PCNX4: variants seen among roughly 807,000 people sequenced by gnomAD.
The protein encoded by PCNX4 is pecanex 4.
A neutral mutation model predicts 107.2 loss-of-function variants in PCNX4; 103 were observed. That is an observed-to-expected ratio of 0.96 (90% CI 0.82 to 1.13). The LOEUF is 1.13. PCNX4 is among the 50% of genes most tolerant of loss of function. The pLI is 0.00. For synonymous variants in PCNX4, 541 were observed against 481.7 expected (o/e 1.12, Z -1.61); for missense variants, 1,528 against 1,379.4 (o/e 1.11, Z -1.71).
rs1223086297 is a variant in PCNX4, at chr14:60,139,052, C to CA, written c.*4836dup. ...ACAGGGCTAAAGTGGAATAATAAGG[C>CA]AAAAAGGTAGAGAAAATATAGAACA... On this transcript the variant is annotated 3_prime_UTR_variant, in exon 11 of 11. Coordinates refer to ENST00000406854, the MANE Select transcript of PCNX4 (RefSeq NM_001330177.2). The CA allele has an allele frequency of 6.6e-6, 1 of 151,584 alleles. No homozygotes were observed. The highest frequency in any genetic ancestry group is 2.4e-5 in the African/African-American group (1 of 41,294). The allele number at this position is 151,584 out of a possible 1,614,324, so 9.4% of individuals were successfully genotyped here. A position where few individuals can be genotyped will look rare whatever the true frequency, so the allele number is the denominator to read the frequency against.
At chr14:60,103,941 G>A (rs1238991091) in intron 1 of PCNX4, among the ~76,000 whole-genome samples, 2 of 152,156 alleles carry the variant, frequency 1.3e-5, no homozygotes, top group Non-Finnish European at 2.9e-5. Context: ...AATAAGTATA[G>A]ATACTTTCCA....
chr14:60,141,749 A>AT lies in PCNX4; in HGVS notation c.*7529dup, dbSNP rs1259135926. The AT allele has an allele frequency of 6.6e-6, 1 of 152,230 alleles. No individual in the cohort carries two copies. The highest frequency in any genetic ancestry group is 6.5e-5 in the Admixed American group (1 of 15,284). 9.4% of individuals were successfully genotyped at this position (152,230 alleles called of 1,614,324 possible). On this transcript the variant is annotated 3_prime_UTR_variant, in exon 11 of 11. Coordinates refer to ENST00000406854, the MANE Select transcript of PCNX4 (RefSeq NM_001330177.2). ...TGAGTAGTGCTGCATGGTATAGAAT[A>AT]TAACAGTTTGTTTATACCATTCACC...
At chr14:60,111,921 G>C (rs1203361492) in intron 2 of PCNX4, among the ~76,000 whole-genome samples, 4 of 152,152 alleles carry the variant, frequency 2.6e-5, no homozygotes, top group African/African-American at 9.7e-5. Flanking sequence ...GAAAATAATA[G>C]AATTGAGATC....
intron 10 of PCNX4, among the ~76,000 whole-genome samples, chr14:60,127,593 C>G (rs956783371): frequency 6.6e-6 from 1 of 152,118 alleles, no homozygotes; most frequent in Non-Finnish European, 1.5e-5. Flanking sequence ...CTACAATAAG[C>G]CAGCCAATCA....
rs1470464872 is a variant in PCNX4 at position 60,124,295 on chromosome 14, G to A, written c.2124G>A (p.Glu708=). Residue 708 remains glutamate, a synonymous_variant, in exon 9 of 11, where the codon GAG becomes GAA. Coordinates refer to ENST00000406854, the MANE Select transcript of PCNX4 (RefSeq NM_001330177.2). The part of the protein sequence containing the change: ...RVDEVFEDAF[E]QEYTRVCSLN... ...ATGAAGTTTTTGAAGATGCTTTTGA[G>A]CAAGAATACACAAGAGTATGTTCCC... 1 of 1,608,448 alleles carries A rather than the reference G, an allele frequency of 6.2e-7. No homozygotes were observed. Among genetic ancestry groups the A allele is most frequent in the Non-Finnish European group, 8.5e-7 (1 of 1,177,018 alleles).
Position 60,145,109 on chromosome 14 carries a change from A to G in PCNX4, c.*10888A>G, listed in dbSNP as rs1459471393. The stretch of plus-strand genomic sequence containing the variant: ...TTCTGTTTTGAGGAGCTGTATCATT[A>G]TGATTCACTATTAAGAATCTTTACA... On this transcript the variant is annotated 3_prime_UTR_variant, in exon 11 of 11. Transcript: ENST00000406854. This position sits in a 1 kb window ranked among gnomAD's most constrained non-coding sequence, Gnocchi z 4.0. The G allele has an allele frequency of 1.8e-5, 14 of 788,514 alleles. No homozygotes were observed. In the East Asian group the frequency reaches 3.9e-4, roughly 22 times the overall value. The allele number at this position is 788,514 out of a possible 1,614,324, so 48.8% of individuals were successfully genotyped here. A position where few individuals can be genotyped will look rare whatever the true frequency, so the allele number is the denominator to read the frequency against.
At chr14:60,097,674 C>T (rs1566928719) in intron 1 of PCNX4, among the ~76,000 whole-genome samples, 1 of 152,168 alleles carries the variant, frequency 6.6e-6, no homozygotes, top group Non-Finnish European at 1.5e-5. Context: ...TAAGGGAATA[C>T]CAAAACAACC....
In PCNX4 at chr14:60,115,829, A is replaced by AT; in HGVS notation, c.1458+11dup. 6.2e-7 allele frequency: 1 copy of AT among 1,604,536 alleles called. No homozygotes were observed. ...AAGAGCCTTTAGAATGGTAATCCTA[A>AT]TATGTGTTTAATAGTATTTTCCTAT... On this transcript the variant is annotated intron_variant, in intron 5 of 10. Coordinates refer to ENST00000406854, the MANE Select transcript of PCNX4 (RefSeq NM_001330177.2).
At chr14:60,098,459 A>G (rs1024155698) in intron 1 of PCNX4, among the ~76,000 whole-genome samples, 1 of 152,192 alleles carries the variant, frequency 6.6e-6, no homozygotes, top group Non-Finnish European at 1.5e-5. Context: ...CTCTTATTCA[A>G]AAACCCTCCA....
rs185000844 is a variant in PCNX4 at position 60,142,368 on chromosome 14, C to T, written c.*8147C>T. On this transcript the variant is annotated 3_prime_UTR_variant, in exon 11 of 11. Transcript: ENST00000406854. The surrounding 1 kb of genome is among the most constrained non-coding windows in gnomAD (Gnocchi z 4.7). ...CTGGTGAATCCAGTAGTTGAGGAAA[C>T]GAAAGCCGTCACTTCTGCTAACTCT... The T allele has an allele frequency of 1.1e-4, 16 of 152,224 alleles. No homozygotes were observed. The highest frequency in any genetic ancestry group is 6.5e-4 in the Admixed American group (10 of 15,292). The allele number at this position is 152,224 out of a possible 1,614,324, so 9.4% of individuals were successfully genotyped here. A position where few individuals can be genotyped will look rare whatever the true frequency, so the allele number is the denominator to read the frequency against.
chr14:60,141,696 G>C lies in PCNX4; in HGVS notation c.*7475G>C, dbSNP rs768476886. 48 of 152,308 alleles carry C rather than the reference G, an allele frequency of 3.2e-4. No homozygotes were observed. The highest frequency in any genetic ancestry group is 6.0e-4 in the Non-Finnish European group (41 of 68,028). 9.4% of individuals were successfully genotyped at this position (152,308 alleles called of 1,614,324 possible). On this transcript the variant is annotated 3_prime_UTR_variant, in exon 11 of 11. Coordinates refer to ENST00000406854, the MANE Select transcript of PCNX4 (RefSeq NM_001330177.2). Reference sequence around the variant, plus strand: ...TTGAGGTTCTTCCATGTTGTTTTATGTATCAATCATTCATTATTTTTTATC... The same window carrying C: ...TTGAGGTTCTTCCATGTTGTTTTATCTATCAATCATTCATTATTTTTTATC...
At chr14:60,096,263 A>C (rs1048874998) in intron 1 of PCNX4, among the ~76,000 whole-genome samples, 1 of 152,192 alleles carries the variant, frequency 6.6e-6, no homozygotes, top group Non-Finnish European at 1.5e-5. Context: ...CCGTGAGTCT[A>C]TGTAAAGCCA....
In PCNX4 at chr14:60,114,803, G is replaced by A. The variant is rs372294775; in HGVS notation, c.793G>A (p.Asp265Asn). The change falls in exon 3 of 11, where the codon GAT (aspartate) becomes AAT (asparagine). Residue 265 changes from aspartate to asparagine, a missense_variant. Asp to Asn is a conservative substitution (Grantham distance 23, BLOSUM62 1). Coordinates refer to ENST00000406854, the MANE Select transcript of PCNX4 (RefSeq NM_001330177.2). ...GGCACTTGGGACTCTGCCCCCACCCGATGCACTTCTCTTATGGGCAATGGA... is the reference window on the plus strand; with the variant it reads ...GGCACTTGGGACTCTGCCCCCACCCAATGCACTTCTCTTATGGGCAATGGA... ...LWALGTLPPP[D>N]ALLLWAMEQV... The A allele has an allele frequency of 1.9e-5, 30 of 1,613,664 alleles. No homozygotes were observed. The highest frequency in any genetic ancestry group is 1.4e-4 in the South Asian group (13 of 91,086).
rs376546224 is a variant in PCNX4, at chr14:60,124,464, G to T, written c.2293G>T (p.Val765Leu). Residue 765 changes from valine (V) to leucine (L), a missense_variant, in exon 9 of 11, where the codon GTG (valine) becomes TTG (leucine). Val to Leu is a conservative substitution (Grantham distance 32). Transcript: ENST00000406854. ...EFKGDLIKVL[V>L]WILVQYCSKR... ...TAAAGGTGACCTCATTAAAGTACTT[G>T]TGTGGATACTTGTTCAATACTGCTC... The T allele has an allele frequency of 6.6e-5, 106 of 1,613,592 alleles. No individual in the cohort carries two copies. Among genetic ancestry groups the T allele is most frequent in the East Asian group, 5.1e-4 (23 of 44,878 alleles).
chr14:60,093,567 TATATC>T (rs1895354685), intron 1 of PCNX4, among the ~76,000 whole-genome samples: 2 of 152,242 alleles, frequency 1.3e-5, no homozygotes, highest in Non-Finnish European at 2.9e-5. Flanking sequence ...ATTGTGTGGA[TATATC>T]ACATTTATCC....
intron 1 of PCNX4, among the ~76,000 whole-genome samples, chr14:60,102,530 T>A (rs1477144133): frequency 6.6e-6 from 1 of 152,206 alleles, no homozygotes; most frequent in Admixed American, 6.5e-5. Context: ...CTTACTCTTG[T>A]GAGTAATGTG....
At chr14:60,113,623 C>T (rs1057034936) in intron 2 of PCNX4, among the ~76,000 whole-genome samples, 2 of 152,122 alleles carry the variant, frequency 1.3e-5, no homozygotes, top group Non-Finnish European at 2.9e-5. Flanking sequence ...CCCGCCTTGG[C>T]CTCCCAAAGT....
chr14:60,111,687 G>A (rs896206017), intron 2 of PCNX4, among the ~76,000 whole-genome samples: 7 of 152,120 alleles, frequency 4.6e-5, no homozygotes, highest in East Asian at 3.9e-4. Flanking sequence ...TGGTTTTCCC[G>A]ACATTCTGCA....
intron 4 of PCNX4, 96 bp downstream of exon 4, chr14:60,115,557 C>T (rs2140549643): frequency 7.0e-7 from 1 of 1,419,588 alleles, no homozygotes; most frequent in Non-Finnish European, 9.4e-7. Context: ...GGTATTATAC[C>T]ATATACAAGT....
Sources: allele counts gnomAD v4.1 joint callset (sites outside exome capture counted in the v4.1 genomes callset), GRCh38; gene constraint gnomAD v4.1.1; non-coding constraint Gnocchi (gnomAD v3.1); transcripts MANE v1.5; gene names NCBI Gene and HGNC (gene_info 2026-07-23, HGNC 2026-07-21).